Variants in ARHGAP22 observed in about 807,000 individuals in gnomAD.
The protein encoded by ARHGAP22 is rho GTPase-activating protein 22.
In ARHGAP22, 48 loss-of-function variants were observed where a neutral mutation model predicts 59.1. The ratio of observed to expected loss-of-function variants is 0.81; its 90% confidence interval spans 0.64 to 1.03. The LOEUF (loss-of-function observed/expected upper bound fraction) is 1.03. Among genes scored for constraint, ARHGAP22 ranks in the 50% least tolerant of loss-of-function variants. The pLI is 0.00. For synonymous variants in ARHGAP22, 445 were observed against 416.4 expected (o/e 1.07, Z -0.84); for missense variants, 1,015 against 958.7 (o/e 1.06, Z -0.78).
chr10:48,528,144 G>A (rs890111837), intron 3 of ARHGAP22, among the ~76,000 whole-genome samples: 1 of 152,162 alleles, frequency 6.6e-6, no homozygotes, highest in African/African-American at 2.4e-5. Flanking sequence ...TGTGCAGCCT[G>A]AGCCCCTGGT....
rs897652300 is a variant in ARHGAP22 at position 48,605,070 on chromosome 10, C to T, written c.-274G>A. On this transcript the variant is annotated 5_prime_UTR_variant, in exon 1 of 10. Coordinates refer to ENST00000249601, the MANE Select transcript of ARHGAP22 (RefSeq NM_021226.4). ...GCCTCAGTAATCACTGCTGATCAAT[C>T]ACTGGACCAGGGCGGGGCAGTCCCT... 7 of 1,374,892 alleles carry T rather than the reference C, an allele frequency of 5.1e-6. No homozygotes were observed. In the African/African-American group the frequency reaches 8.8e-5, roughly 17 times the overall value. 85.2% of individuals were successfully genotyped at this position (1,374,892 alleles called of 1,614,324 possible).
rs189201880 is a variant in ARHGAP22, at chr10:48,479,854, G to A, written c.323-90C>T. The A allele has an allele frequency of 1.9e-5, 25 of 1,313,090 alleles. No homozygotes were observed. The African/African-American group carries it at 2.4e-4, about 12-fold the overall frequency. The allele number at this position is 1,313,090 out of a possible 1,614,324, so 81.3% of individuals were successfully genotyped here. On this transcript the variant is annotated intron_variant, in intron 3 of 9. Transcript: ENST00000249601. ...CACTAGTCAGCATTACTCCCTGTGGGATATTCCCAAAGTCCTTCCAGCAAC... is the reference window on the plus strand; with the variant it reads ...CACTAGTCAGCATTACTCCCTGTGGAATATTCCCAAAGTCCTTCCAGCAAC...
intron 3 of ARHGAP22, among the ~76,000 whole-genome samples, chr10:48,534,600 C>T (rs56248718): frequency 0.29 from 44,133 of 152,108 alleles, 6,897 homozygotes; most frequent in African/African-American, 0.39. Context: ...GTGGCATACA[C>T]GCCACTTACT....
chr10:48,482,285 AG>A (rs1295834596), intron 3 of ARHGAP22, among the ~76,000 whole-genome samples: 3 of 152,236 alleles, frequency 2.0e-5, no homozygotes, highest in Non-Finnish European at 4.4e-5. Context: ...ATATGGGAGA[AG>A]GTGTAATTGA....
chr10:48,655,068 CCT>C (rs2062744395), upstream of ARHGAP22, among the ~76,000 whole-genome samples: 20 of 22,130 alleles, frequency 9.0e-4, 2 homozygotes, highest in African/African-American at 3.7e-3. Context: ...TTCCTTCCCT[CCT>C]TCTCTTCTCT....
chr10:48,459,542 C>A, intron 5 of ARHGAP22, 142 bp downstream of exon 5: 1 of 947,956 alleles, frequency 1.1e-6, no homozygotes, highest in African/African-American at 1.6e-5. Context: ...TGAGGGTGTG[C>A]CCTACACTCT....
chr10:48,465,341 T>A (rs538052285), intron 4 of ARHGAP22, among the ~76,000 whole-genome samples: 122 of 152,072 alleles, frequency 8.0e-4, no homozygotes, highest in African/African-American at 2.8e-3. Flanking sequence ...CGTCCCTCAC[T>A]CCCCTCCCCG....
chr10:48,432,856 T>C, the ARHGAP22 span, among the ~76,000 whole-genome samples: 4 of 152,224 alleles, frequency 2.6e-5, no homozygotes, highest in Admixed American at 1.3e-4. Context: ...TCCTCAGTTA[T>C]AGCTTGCAAA....
intron 3 of ARHGAP22, among the ~76,000 whole-genome samples, chr10:48,516,013 C>CAA (rs141729272): frequency 0.01 from 1,507 of 146,902 alleles, 17 homozygotes; most frequent in Middle Eastern, 0.028. Flanking sequence ...GACCTTAACT[C>CAA]AAAAAAAAAC....
At chr10:48,466,815 T>C (rs2047764399) in intron 4 of ARHGAP22, 1 of 151,824 alleles carries the variant, frequency 6.6e-6, no homozygotes. Flanking sequence ...GATCTGTGAG[T>C]TGCCTGGAAT....
chr10:48,653,847 T>A (rs1296706062), upstream of ARHGAP22, among the ~76,000 whole-genome samples: 3 of 152,188 alleles, frequency 2.0e-5, no homozygotes, highest in African/African-American at 7.2e-5. Flanking sequence ...TGGGCTAGAT[T>A]TGGCAAATAA....
chr10:48,570,367 G>T (rs1249397763), intron 2 of ARHGAP22, among the ~76,000 whole-genome samples: 1 of 152,148 alleles, frequency 6.6e-6, no homozygotes, highest in Non-Finnish European at 1.5e-5. Context: ...TTTAAAAAAG[G>T]AAATATCTGT....
chr10:48,493,499 G>C (rs1309763877), intron 3 of ARHGAP22: 2 of 1,535,520 alleles, frequency 1.3e-6, no homozygotes, highest in East Asian at 2.4e-5. Flanking sequence ...ATGGTGTGGA[G>C]CAGCGGGGGC....
chr10:48,579,037 A>C (rs1564922968), intron 2 of ARHGAP22, among the ~76,000 whole-genome samples: 1 of 152,094 alleles, frequency 6.6e-6, no homozygotes, highest in Non-Finnish European at 1.5e-5. Flanking sequence ...GAGAAACAAA[A>C]TGTTTGTACC....
intron 1 of ARHGAP22, among the ~76,000 whole-genome samples, chr10:48,640,090 AG>A (rs781574383): frequency 6.6e-6 from 1 of 152,212 alleles, no homozygotes; most frequent in Non-Finnish European, 1.5e-5. Flanking sequence ...AATTTGCTGG[AG>A]GAGCTCAGCA....
In ARHGAP22 at chr10:48,451,043, C is replaced by T. The variant is rs1387885973; in HGVS notation, c.1086G>A (p.Gly362=). 2 of 1,552,808 alleles carry T rather than the reference C, an allele frequency of 1.3e-6. No homozygotes were observed. Among genetic ancestry groups the T allele is most frequent in the African/African-American group, 1.4e-5 (1 of 73,272 alleles). The part of the protein sequence containing the change: ...PVPEGPTSPR[G]GLQCAVGWGS... Reference sequence around the variant, plus strand: ...CCCACCCCACTGCGCATTGCAGGCCCCCGCGCGGGGAGGTGGGCCCTTCCG... The same window carrying T: ...CCCACCCCACTGCGCATTGCAGGCCTCCGCGCGGGGAGGTGGGCCCTTCCG... Residue 362 remains glycine, a synonymous_variant, in exon 9 of 10, where the codon GGG becomes GGA. Transcript: ENST00000249601.
chr10:48,575,364 T>G (rs1406031495), intron 2 of ARHGAP22: 5 of 152,226 alleles, frequency 3.3e-5, no homozygotes, highest in Non-Finnish European at 7.3e-5. Context: ...GTTTTTGACG[T>G]GCAAGTTTGG....
At chr10:48,578,615 G>C (rs2058912624) in intron 2 of ARHGAP22, among the ~76,000 whole-genome samples, 1 of 151,184 alleles carries the variant, frequency 6.6e-6, no homozygotes. Context: ...ATGTCATTTT[G>C]TTATTAACTT....
chr10:48,630,825 T>C (rs1307799999), intron 1 of ARHGAP22, among the ~76,000 whole-genome samples: 1 of 152,234 alleles, frequency 6.6e-6, no homozygotes, highest in East Asian at 1.9e-4. Context: ...TCCAGTACAA[T>C]GTTGAATAAG....
Sources: allele counts gnomAD v4.1 joint callset (sites outside exome capture counted in the v4.1 genomes callset), GRCh38; gene constraint gnomAD v4.1.1; transcripts MANE v1.5; gene names NCBI Gene and HGNC (gene_info 2026-07-23, HGNC 2026-07-21).